The following LRFN5 variants were observed in gnomAD, a reference collection of about 807,000 sequenced individuals.
LRFN5 encodes leucine rich repeat and fibronectin type III domain containing 5, also known as leucine-rich repeat and fibronectin type-III domain-containing protein 5.
Under a neutral mutation model 45.6 loss-of-function variants are expected in LRFN5, and 24 were observed. The ratio of observed to expected loss-of-function variants is 0.53; its 90% CI spans 0.38 to 0.74. The LOEUF (loss-of-function observed/expected upper bound fraction) is 0.74, where lower values mean the gene tolerates loss of function less well. LRFN5 is among the 30% of genes least tolerant of loss of function. The pLI is 0.00. For synonymous variants in LRFN5, 340 were observed against 313.8 expected, an observed-to-expected ratio of 1.08 and a Z score of -0.88; for missense variants, 776 against 861.5, an observed-to-expected ratio of 0.90 and a Z score of 1.24.
intron 2 of LRFN5, among the ~76,000 whole-genome samples, chr14:41,777,987 A>G (rs535881448): frequency 7.6e-6 from 1 of 131,322 alleles, no homozygotes; most frequent in Non-Finnish European, 1.6e-5. Flanking sequence ...CATTAAGAAG[A>G]TGCATGGGAT....
intron 1 of LRFN5, among the ~76,000 whole-genome samples, chr14:41,743,610 T>C (rs1884798481): frequency 6.6e-6 from 1 of 152,202 alleles, no homozygotes; most frequent in Admixed American, 6.5e-5. Flanking sequence ...AGTGTTGTAT[T>C]CCACTGCATG....
At chr14:41,848,983 C>T (rs1281707960) in intron 2 of LRFN5, among the ~76,000 whole-genome samples, 1 of 151,860 alleles carries the variant, frequency 6.6e-6, no homozygotes, top group African/African-American at 2.4e-5. Flanking sequence ...TACAGTAGGT[C>T]CCTCTCAGCA....
rs1048653295 is a variant in LRFN5 at position 41,859,511 on chromosome 14, T to C, written c.-20-27095T>C. 1.2e-4 allele frequency among the ~76,000 whole-genome samples: 18 copies of C among 152,220 alleles called. 1 individual carries two copies. The highest frequency in any genetic ancestry group is 3.9e-4 in the African/African-American group (16 of 41,470). On this transcript the variant is annotated intron_variant, in intron 2 of 5. Coordinates refer to ENST00000298119, the MANE Select transcript of LRFN5 (RefSeq NM_152447.5). The stretch of plus-strand genomic sequence containing the variant: ...AAGTAGGCAGTGACTAAACTCTTTC[T>C]TGCCTCATGCCAAACATTACAAATA...
chr14:41,873,419 C>CAGAGAGAGAG (rs10558865), intron 2 of LRFN5, among the ~76,000 whole-genome samples: 61 of 146,610 alleles, frequency 4.2e-4, no homozygotes, highest in Non-Finnish European at 7.1e-4. Flanking sequence ...GAGAGAGAGA[C>CAGAGAGAGAG]AGAGAGAGAG....
chr14:41,701,206 T>C (rs1253287550), intron 1 of LRFN5: 1 of 152,192 alleles, frequency 6.6e-6, no homozygotes, highest in Non-Finnish European at 1.5e-5. Flanking sequence ...GGAATGTTAT[T>C]TTATGAAGCA....
intron 2 of LRFN5, among the ~76,000 whole-genome samples, chr14:41,791,346 A>G (rs566621281): frequency 1.3e-5 from 2 of 152,146 alleles, no homozygotes; most frequent in East Asian, 3.9e-4. Flanking sequence ...ATGATCAGTC[A>G]GTATCAGTAG....
chr14:41,698,015 T>C (rs1288274148), intron 1 of LRFN5, among the ~76,000 whole-genome samples: 1 of 151,926 alleles, frequency 6.6e-6, no homozygotes, highest in Non-Finnish European at 1.5e-5. Flanking sequence ...CTAGGAATTA[T>C]AGAGACTAGG....
At chr14:41,744,781 A>G (rs1252647210) in intron 1 of LRFN5, among the ~76,000 whole-genome samples, 1 of 152,206 alleles carries the variant, frequency 6.6e-6, no homozygotes, top group African/African-American at 2.4e-5. Context: ...AAATTTATAA[A>G]GCTTACAAGA....
chr14:41,660,358 T>C (rs374160378), intron 1 of LRFN5, among the ~76,000 whole-genome samples: 3 of 152,200 alleles, frequency 2.0e-5, no homozygotes, highest in Admixed American at 6.6e-5. Flanking sequence ...AGTCAGTGCT[T>C]CTATTTCAAC....
In LRFN5 at chr14:41,655,974, T is replaced by C. The variant is rs531684378; in HGVS notation, c.-197+47412T>C. On this transcript the variant is annotated intron_variant, in intron 1 of 5. Coordinates refer to ENST00000298119, the MANE Select transcript of LRFN5 (RefSeq NM_152447.5). ...TAAGTGCTTATTAGTTATTTTGCAC[T>C]TTTATACTTTTATGTATTGTTTTAA... 7.2e-5 allele frequency among the ~76,000 whole-genome samples: 11 copies of C among 152,160 alleles called. No individual in the cohort carries two copies. The South Asian group carries it at 1.7e-3, about 23-fold the overall frequency.
chr14:41,760,050 G>A (rs549498390), intron 1 of LRFN5, among the ~76,000 whole-genome samples: 22 of 152,156 alleles, frequency 1.4e-4, no homozygotes, highest in Admixed American at 1.0e-3. Flanking sequence ...ACTGTCATTC[G>A]TACGACCCAC....
At chr14:41,622,594 TAAAC>T (rs528122660) in intron 1 of LRFN5, among the ~76,000 whole-genome samples, 18 of 152,060 alleles carry the variant, frequency 1.2e-4, no homozygotes, top group Non-Finnish European at 2.2e-4. Flanking sequence ...AGTTTACAAA[TAAAC>T]AAGCTACAAG....
chr14:41,842,502 A>G (rs934158304), intron 2 of LRFN5, among the ~76,000 whole-genome samples: 1 of 151,890 alleles, frequency 6.6e-6, no homozygotes, highest in African/African-American at 2.4e-5. Flanking sequence ...GTAGTCTATT[A>G]GTATTTGTAC....
At chr14:41,863,015 C>T (rs1273537255) in intron 2 of LRFN5, among the ~76,000 whole-genome samples, 1 of 151,892 alleles carries the variant, frequency 6.6e-6, no homozygotes, top group Non-Finnish European at 1.5e-5. Flanking sequence ...CAGGCGCCCG[C>T]CATGATGCCC....
chr14:41,748,593 A>G (rs1049342449), intron 1 of LRFN5, among the ~76,000 whole-genome samples: 1 of 152,070 alleles, frequency 6.6e-6, no homozygotes, highest in African/African-American at 2.4e-5. Context: ...TGGTTGTGCA[A>G]CAGTATAAAT....
chr14:41,866,520 G>T (rs1280148712), intron 2 of LRFN5, among the ~76,000 whole-genome samples: 1 of 152,084 alleles, frequency 6.6e-6, no homozygotes, highest in Non-Finnish European at 1.5e-5. Context: ...GAACCAAGGA[G>T]GCCAAGGATC....
At chr14:41,631,640 A>T (rs1888538794) in intron 1 of LRFN5, among the ~76,000 whole-genome samples, 1 of 152,114 alleles carries the variant, frequency 6.6e-6, no homozygotes, top group Non-Finnish European at 1.5e-5. Flanking sequence ...ATTTTATTGA[A>T]AGTGATCAGG....
At chr14:41,870,625 A>C (rs1889987157) in intron 2 of LRFN5, among the ~76,000 whole-genome samples, 2 of 152,190 alleles carry the variant, frequency 1.3e-5, no homozygotes, top group Non-Finnish European at 1.5e-5. Flanking sequence ...ACACATGGCA[A>C]TTATTACAAT....
chr14:41,689,524 A>C (rs1328983431), intron 1 of LRFN5, among the ~76,000 whole-genome samples: 1 of 152,228 alleles, frequency 6.6e-6, no homozygotes, highest in Admixed American at 6.5e-5. Flanking sequence ...CTAGAAAGAC[A>C]AAAATTATTA....
Sources: gnomAD v4.1 joint callset for allele counts (sites outside exome capture counted in the v4.1 genomes callset) on GRCh38, gnomAD v4.1.1 for gene constraint, MANE v1.5 for transcripts, NCBI Gene and HGNC (gene_info 2026-07-23, HGNC 2026-07-21) for gene names.